OSBPL10: variants seen among roughly 807,000 people sequenced by gnomAD.
OSBPL10 encodes the protein oxysterol binding protein like 10.
A neutral mutation model predicts 81.7 loss-of-function variants in OSBPL10; 49 were observed. That is an observed-to-expected ratio of 0.60 (90% CI 0.48 to 0.76). The LOEUF is 0.76. Among genes scored for constraint, OSBPL10 ranks in the 30% least tolerant of loss-of-function variants. The probability of loss-of-function intolerance (pLI) is 0.00; values close to 1 mark genes in which losing one functional copy is unlikely to be tolerated. For missense variants in OSBPL10, 923 were observed against 987.8 expected (o/e 0.93, Z 0.88); for synonymous variants, 419 against 383.6 (o/e 1.09, Z -1.08).
At chr3:31,992,931 A>G (rs1699049779) in intron 2 of OSBPL10, among the ~76,000 whole-genome samples, 1 of 152,172 alleles carries the variant, frequency 6.6e-6, no homozygotes, top group African/African-American at 2.4e-5. Flanking sequence ...TGAACACAGA[A>G]GTTCAAAGCT....
At chr3:31,761,979 TG>T (rs1448499997) in intron 4 of OSBPL10, among the ~76,000 whole-genome samples, 3 of 152,008 alleles carry the variant, frequency 2.0e-5, no homozygotes, top group Non-Finnish European at 4.4e-5. Flanking sequence ...GCAGTGCTAT[TG>T]GAAGAACGAG....
chr3:31,786,231 T>C (rs552434501), intron 4 of OSBPL10, among the ~76,000 whole-genome samples: 1 of 152,348 alleles, frequency 6.6e-6, no homozygotes, highest in East Asian at 1.9e-4. Context: ...AGTTGTAACT[T>C]TGCCCCCAGG....
chr3:31,916,140 G>A (rs1696752677), intron 1 of OSBPL10, among the ~76,000 whole-genome samples: 1 of 150,344 alleles, frequency 6.7e-6, no homozygotes, highest in African/African-American at 2.5e-5. Flanking sequence ...CTCCAGGAGG[G>A]AAATAATTAA....
At chr3:31,668,010 A>G (rs924039999) in intron 10 of OSBPL10, among the ~76,000 whole-genome samples, 1 of 152,280 alleles carries the variant, frequency 6.6e-6, no homozygotes, top group African/African-American at 2.4e-5. Flanking sequence ...TTTTCCAAAT[A>G]TTAGACAGGT....
intron 7 of OSBPL10, among the ~76,000 whole-genome samples, chr3:31,693,182 CA>C (rs931932503): frequency 1.3e-4 from 20 of 152,218 alleles, no homozygotes; most frequent in African/African-American, 4.6e-4. Flanking sequence ...CCCTGAGGTC[CA>C]TATCTCTGCC....
At chr3:31,680,379 T>C (rs1700611035) in intron 8 of OSBPL10, among the ~76,000 whole-genome samples, 1 of 152,176 alleles carries the variant, frequency 6.6e-6, no homozygotes. Context: ...CCTCAGATTC[T>C]GGTATCTCAT....
At chr3:31,970,044 C>T (rs1407381533) in intron 1 of OSBPL10, among the ~76,000 whole-genome samples, 1 of 152,006 alleles carries the variant, frequency 6.6e-6, no homozygotes, top group Non-Finnish European at 1.5e-5. Context: ...GGTAGGAGAC[C>T]AAGTTCTTTC....
intron 1 of OSBPL10, among the ~76,000 whole-genome samples, chr3:31,964,823 G>C (rs972823473): frequency 2.6e-5 from 4 of 152,086 alleles, no homozygotes; most frequent in African/African-American, 9.7e-5. Context: ...GTAAAAGTAA[G>C]TTAGTCTGTA....
At chr3:31,903,499 T>C (rs993463850) in intron 1 of OSBPL10, among the ~76,000 whole-genome samples, 16 of 152,078 alleles carry the variant, frequency 1.1e-4, no homozygotes, top group African/African-American at 3.9e-4. Flanking sequence ...AGCTAATCTT[T>C]AAAAACTCTT....
At chr3:31,682,757 G>A (rs1381792398) in intron 8 of OSBPL10, among the ~76,000 whole-genome samples, 1 of 152,186 alleles carries the variant, frequency 6.6e-6, no homozygotes, top group African/African-American at 2.4e-5. Context: ...GAGAACAGAA[G>A]CATCATCAGA....
intron 6 of OSBPL10, chr3:31,713,745 C>CGTCTAG: frequency 6.6e-6 from 1 of 152,508 alleles, no homozygotes; most frequent in East Asian, 1.9e-4. Flanking sequence ...AACCTTTGAC[C>CGTCTAG]GTCTAGGCCA....
intron 6 of OSBPL10, among the ~76,000 whole-genome samples, chr3:31,709,602 A>G (rs1427550466): frequency 6.6e-6 from 1 of 152,244 alleles, no homozygotes; most frequent in Non-Finnish European, 1.5e-5. Flanking sequence ...AAATCAAGAA[A>G]TAGCAAGGAA....
In OSBPL10 at chr3:31,859,009, T is replaced by A. The variant is rs573462913; in HGVS notation, c.537+17424A>T. On this transcript the variant is annotated intron_variant, in intron 3 of 11. Transcript: ENST00000396556. Reference sequence around the variant, plus strand: ...TTGTGACATGCTTAATATTACTTAATCCTAACAACTGCCCTGTAGGGTTGA... The same window carrying A: ...TTGTGACATGCTTAATATTACTTAAACCTAACAACTGCCCTGTAGGGTTGA... 6.6e-5 allele frequency among the ~76,000 whole-genome samples: 10 copies of A among 152,314 alleles called. No homozygotes were observed. The South Asian group carries it at 2.1e-3, about 32-fold the overall frequency.
At chr3:31,872,007 C>T (rs890929857) in intron 3 of OSBPL10, among the ~76,000 whole-genome samples, 1 of 152,166 alleles carries the variant, frequency 6.6e-6, no homozygotes, top group African/African-American at 2.4e-5. Context: ...TCCATCAATG[C>T]TGCTTTAATT....
At chr3:31,752,868 C>T (rs1005167954) in intron 4 of OSBPL10, among the ~76,000 whole-genome samples, 2 of 152,204 alleles carry the variant, frequency 1.3e-5, no homozygotes, top group African/African-American at 2.4e-5. Flanking sequence ...CTCCATTACT[C>T]TCCAAAAGCT....
At chr3:31,759,745 A>T (rs1161327556) in intron 4 of OSBPL10, among the ~76,000 whole-genome samples, 1 of 151,940 alleles carries the variant, frequency 6.6e-6, no homozygotes, top group Non-Finnish European at 1.5e-5. Flanking sequence ...GAGAAAAGAG[A>T]TGTTATTTTG....
chr3:31,748,949 A>C lies in OSBPL10; in HGVS notation c.730-829T>G, dbSNP rs147571726. ...GTTTTATAACATCCCATTAAACAGG[A>C]TGATGTACATAAAGTGCTTCGGCAC... On this transcript the variant is annotated intron_variant, in intron 4 of 11. Coordinates refer to ENST00000396556, the MANE Select transcript of OSBPL10 (RefSeq NM_017784.5). Among the ~76,000 whole-genome samples the C allele has an allele frequency of 7.1e-3, 1,076 of 152,336 alleles. 12 individuals carry two copies. Among genetic ancestry groups the C allele is most frequent in the African/African-American group, 0.025 (1,025 of 41,566 alleles).
At position 31,888,164 on chromosome 3, in the gene OSBPL10, T is replaced by A. The variant is rs150487280; in HGVS notation, c.282-8334A>T. Among the ~76,000 whole-genome samples the A allele has an allele frequency of 9.3e-4, 142 of 152,214 alleles. 1 individual carries two copies. Among genetic ancestry groups the A allele is most frequent in the African/African-American group, 3.3e-3 (135 of 41,530 alleles). On this transcript the variant is annotated intron_variant, in intron 1 of 11. Coordinates refer to ENST00000396556, the MANE Select transcript of OSBPL10 (RefSeq NM_017784.5). Reference sequence around the variant, plus strand: ...GGAACAGAATAGAGAACTCAGAAATTAATTCCTGTATCTACAGCCAACTGA... The same window carrying A: ...GGAACAGAATAGAGAACTCAGAAATAAATTCCTGTATCTACAGCCAACTGA...
intron 3 of OSBPL10, among the ~76,000 whole-genome samples, chr3:31,834,522 C>T (rs1700322977): frequency 6.6e-6 from 1 of 152,260 alleles, no homozygotes; most frequent in East Asian, 1.9e-4. Context: ...CAGGCATCTG[C>T]ACATAATCAC....
Sources: allele counts gnomAD v4.1 joint callset (sites outside exome capture counted in the v4.1 genomes callset), GRCh38; gene constraint gnomAD v4.1.1; transcripts MANE v1.5; gene names NCBI Gene and HGNC (gene_info 2026-07-23, HGNC 2026-07-21).